DCT: variants seen among roughly 807,000 people sequenced by gnomAD.
The protein encoded by DCT is dopachrome tautomerase, also known as L-dopachrome tautomerase.
DCT carries 47 observed loss-of-function variants against 53.0 expected under a neutral mutation model. That is an observed-to-expected ratio of 0.89 (90% CI 0.70 to 1.13). The LOEUF is 1.13. DCT is among the 50% of genes most tolerant of loss of function. The pLI is 0.00. For synonymous variants in DCT, 244 were observed against 237.0 expected (o/e 1.03, Z -0.27); for missense variants, 669 against 637.4 (o/e 1.05, Z -0.53).
chr13:94,469,065 G>T lies in DCT; in HGVS notation c.296-20C>A. The T allele has an allele frequency of 6.2e-7, 1 of 1,600,658 alleles. No homozygotes were observed. Among genetic ancestry groups the T allele is most frequent in the Non-Finnish European group, 8.6e-7 (1 of 1,168,322 alleles). ...AGTTTCCTAGTTCACAAAACAGAAA[G>T]ATGGAAAGGAAGGGGGTTTATGTCG... On this transcript the variant is annotated intron_variant, in intron 1 of 7. Coordinates refer to ENST00000377028, the MANE Select transcript of DCT (RefSeq NM_001922.5).
At chr13:94,485,922 G>A in the DCT span, among the ~76,000 whole-genome samples, 5 of 152,252 alleles carry the variant, frequency 3.3e-5, no homozygotes, top group South Asian at 4.1e-4. Context: ...TAGTTCCTAC[G>A]CGTTGCTCGA....
the DCT span, among the ~76,000 whole-genome samples, chr13:94,504,724 G>C: frequency 6.6e-6 from 1 of 152,096 alleles, no homozygotes; most frequent in Non-Finnish European, 1.5e-5. Flanking sequence ...TGGGCAGGTG[G>C]CAGAGTTGTC....
the DCT span, among the ~76,000 whole-genome samples, chr13:94,507,328 A>C: frequency 0.074 from 11,277 of 152,210 alleles, 873 homozygotes; most frequent in African/African-American, 0.2. Flanking sequence ...ACAAGTCTAA[A>C]GTTATTTCAA....
At chr13:94,496,996 C>T in the DCT span, among the ~76,000 whole-genome samples, 2 of 152,234 alleles carry the variant, frequency 1.3e-5, no homozygotes, top group Admixed American at 6.5e-5. Flanking sequence ...AAATGTTCTT[C>T]AGTCGAGCCT....
chr13:94,487,413 G>A, the DCT span, among the ~76,000 whole-genome samples: 1 of 152,202 alleles, frequency 6.6e-6, no homozygotes, highest in Non-Finnish European at 1.5e-5. Flanking sequence ...CACATAAGAA[G>A]GACTCAATGT....
upstream of DCT, among the ~76,000 whole-genome samples, chr13:94,480,929 T>A (rs1001293428): frequency 5.9e-5 from 9 of 152,212 alleles, no homozygotes; most frequent in Non-Finnish European, 1.0e-4. Context: ...GAAATCTATT[T>A]TCTCACTGTT....
chr13:94,516,155 G>A, the DCT span, among the ~76,000 whole-genome samples: 1 of 151,238 alleles, frequency 6.6e-6, no homozygotes, highest in African/African-American at 2.4e-5. Context: ...CATGACCGGA[G>A]CTGTATATGG....
chr13:94,438,772 T>G lies in DCT; in HGVS notation c.*1126A>C. ...GCATAGCAGAATATAACCACTTAATTCTGAATTGTCATGTTTTGTACAGAT... is the reference window on the plus strand; with the variant it reads ...GCATAGCAGAATATAACCACTTAATGCTGAATTGTCATGTTTTGTACAGAT... On this transcript the variant is annotated 3_prime_UTR_variant, in exon 8 of 8. Coordinates refer to ENST00000377028, the MANE Select transcript of DCT (RefSeq NM_001922.5). 2.5e-6 allele frequency: 1 copy of G among 399,136 alleles called. No homozygotes were observed. The highest frequency in any genetic ancestry group is 1.9e-5 in the South Asian group (1 of 52,608). The allele number at this position is 399,136 out of a possible 1,614,324, so 24.7% of individuals were successfully genotyped here. A position where few individuals can be genotyped will look rare whatever the true frequency, so the allele number is the denominator to read the frequency against.
chr13:94,473,467 T>C (rs1884881643), intron 1 of DCT, among the ~76,000 whole-genome samples: 1 of 152,220 alleles, frequency 6.6e-6, no homozygotes, highest in Non-Finnish European at 1.5e-5. Context: ...TATTGGGATG[T>C]AACCCCATCA....
At chr13:94,534,547 A>G in the DCT span, among the ~76,000 whole-genome samples, 13 of 152,266 alleles carry the variant, frequency 8.5e-5, no homozygotes, top group Non-Finnish European at 1.8e-4. Context: ...GGCCAAGCAT[A>G]CAAGTCAACT....
chr13:94,442,479 T>C (rs1396889710), intron 7 of DCT, among the ~76,000 whole-genome samples: 5 of 152,100 alleles, frequency 3.3e-5, no homozygotes, highest in Non-Finnish European at 1.5e-5. Flanking sequence ...GCTAATATTA[T>C]TTGAATTTTA....
chr13:94,514,100 G>T, the DCT span, among the ~76,000 whole-genome samples: 2 of 151,984 alleles, frequency 1.3e-5, no homozygotes, highest in African/African-American at 4.8e-5. Context: ...AGGATCATGG[G>T]CTGGGCACTT....
the DCT span, among the ~76,000 whole-genome samples, chr13:94,492,701 T>G: frequency 6.6e-6 from 1 of 152,190 alleles, no homozygotes; most frequent in Non-Finnish European, 1.5e-5. Context: ...ATAAGAAACA[T>G]TGATTTTAGA....
At chr13:94,467,497 T>C (rs994405151) in intron 2 of DCT, 4 of 152,192 alleles carry the variant, frequency 2.6e-5, no homozygotes, top group East Asian at 1.9e-4. Flanking sequence ...GAGAGTACTC[T>C]CTCATAAAGC....
chr13:94,509,452 C>T, the DCT span, among the ~76,000 whole-genome samples: 3 of 151,542 alleles, frequency 2.0e-5, no homozygotes, highest in Non-Finnish European at 4.4e-5. Flanking sequence ...GGAGTGTGAC[C>T]ATGTGACACA....
Position 94,439,965 on chromosome 13 carries a change from A to G in DCT, c.1493T>C (p.Leu498Pro). 2 of 1,613,966 alleles carry G rather than the reference A, an allele frequency of 1.2e-6. No homozygotes were observed. The highest frequency in any genetic ancestry group is 1.7e-6 in the Non-Finnish European group (2 of 1,179,870). ...VLLAFLQYRR[L>P]RKGYTPLMET... ...CATTAGGGGTGTATATCCTTTTCGA[A>G]GTCTTCTATATTGAAGAAAAGCCAA... The change falls in exon 8 of 8, where the codon CTT becomes CCT. Residue 498 changes from leucine (L) to proline (P), a missense_variant. Transcript: ENST00000377028.
chr13:94,442,313 T>C (rs1323782991), intron 7 of DCT, among the ~76,000 whole-genome samples: 5 of 152,258 alleles, frequency 3.3e-5, no homozygotes, highest in Non-Finnish European at 5.9e-5. Flanking sequence ...TTTTGTTTTT[T>C]TGGGTTTTTT....
At chr13:94,543,756 C>A in the DCT span, among the ~76,000 whole-genome samples, 2 of 152,056 alleles carry the variant, frequency 1.3e-5, no homozygotes, top group African/African-American at 2.4e-5. Context: ...ACAAAATGGC[C>A]AGGCACGGTG....
intron 4 of DCT, 35 bp downstream of exon 4, chr13:94,465,598 T>C: frequency 6.2e-7 from 1 of 1,603,036 alleles, no homozygotes. Flanking sequence ...GAAAAGACAA[T>C]CTCTGGATGC....
Sources: allele counts gnomAD v4.1 joint callset (sites outside exome capture counted in the v4.1 genomes callset), GRCh38; gene constraint gnomAD v4.1.1; transcripts MANE v1.5; gene names NCBI Gene and HGNC (gene_info 2026-07-23, HGNC 2026-07-21).